The following USP49 variants were observed in gnomAD, a reference collection of about 807,000 sequenced individuals.
USP49 encodes ubiquitin carboxyl-terminal hydrolase 49.
USP49 carries 24 observed loss-of-function variants against 58.6 expected under a neutral mutation model. The observed-to-expected ratio is 0.41, with a 90% CI of 0.30 to 0.58. USP49 has a LOEUF of 0.58. Ranked by LOEUF, USP49 falls within the 20% of genes least tolerant of loss-of-function variation. USP49 has a pLI of 0.30. For synonymous variants in USP49, 408 were observed against 365.1 expected, an observed-to-expected ratio of 1.12 and a Z score of -1.34; for missense variants, 703 against 866.1, an observed-to-expected ratio of 0.81 and a Z score of 2.36.
Position 41,794,078 on chromosome 6 carries a change from T to C in USP49, c.*2455A>G, listed in dbSNP as rs753452030. On this transcript the variant is annotated 3_prime_UTR_variant, in exon 8 of 8. Coordinates refer to ENST00000682992, the MANE Select transcript of USP49 (RefSeq NM_001286554.2). Reference sequence around the variant, plus strand: ...GGGACATTTCCCTCACAATAGCCATTGGCTTATGCAGCAGGGAACTCTTCT... The same window carrying C: ...GGGACATTTCCCTCACAATAGCCATCGGCTTATGCAGCAGGGAACTCTTCT... The C allele has an allele frequency of 2.6e-5, 4 of 152,248 alleles. No homozygotes were observed. The highest frequency in any genetic ancestry group is 5.9e-5 in the Non-Finnish European group (4 of 68,042). The allele number at this position is 152,248 out of a possible 1,614,324, so 9.4% of individuals were successfully genotyped here.
intron 3 of USP49, among the ~76,000 whole-genome samples, chr6:41,870,587 A>T (rs1381605215): frequency 6.6e-6 from 1 of 151,296 alleles, no homozygotes; most frequent in East Asian, 2.0e-4. Context: ...CCCAGGCTGG[A>T]GTGCAGTGGA....
Position 41,798,872 on chromosome 6 carries a change from T to C in USP49, c.1728A>G (p.Val576=), listed in dbSNP as rs1772940851. The C allele has an allele frequency of 6.2e-7, 1 of 1,613,902 alleles. No homozygotes were observed. Among genetic ancestry groups the C allele is most frequent in the Non-Finnish European group, 8.5e-7 (1 of 1,179,946 alleles). The stretch of plus-strand genomic sequence containing the variant: ...TGCAGCAGTAAGGTTCCATGGTTAA[T>C]ACCTGGTCAAAGACGACATGGACCC... ...KIGVHVVFDQ[V]LTMEPYCCRD... Residue 576 remains valine, a synonymous_variant, in exon 7 of 8, where the codon GTA becomes GTG. Transcript: ENST00000682992.
At chr6:41,858,677 T>C (rs1365472157) in intron 3 of USP49, among the ~76,000 whole-genome samples, 1 of 152,120 alleles carries the variant, frequency 6.6e-6, no homozygotes, top group Non-Finnish European at 1.5e-5. Context: ...AGAATGCTCT[T>C]CCCTCAGATA....
chr6:41,806,970 T>G lies in USP49; in HGVS notation c.14A>C (p.Lys5Thr). ...GGCGAGCCGTAACCGCCCTACATGT[T>G]TGCATCTATCCATGTCTTATAGAAG... MDRC[K>T]HVGRLRLAQD... Residue 5 changes from lysine to threonine, a missense_variant, in exon 4 of 8, where the codon AAA (lysine) becomes ACA (threonine). Physicochemically the swap from Lys to Thr is moderately conservative, Grantham distance 78. Around this residue, in one of 6 missense-constraint regions of USP49, gnomAD observed 376 missense variants for 373.5 expected, o/e 1.01. Transcript: ENST00000682992. This position sits in a 1 kb window ranked among gnomAD's most constrained non-coding sequence, Gnocchi z 5.9. 1.9e-6 allele frequency: 3 copies of G among 1,596,124 alleles called. No homozygotes were observed. The highest frequency in any genetic ancestry group is 2.6e-6 in the Non-Finnish European group (3 of 1,167,448).
intron 3 of USP49, chr6:41,869,606 A>G (rs1022965585): frequency 1.3e-5 from 2 of 151,832 alleles, no homozygotes; most frequent in Admixed American, 6.6e-5. Flanking sequence ...GCTAGTCGGG[A>G]GGTTGAGGCA....
At chr6:41,894,453 A>G (rs1774862089) in intron 1 of USP49, 1 of 152,106 alleles carries the variant, frequency 6.6e-6, no homozygotes, top group Non-Finnish European at 1.5e-5. Flanking sequence ...CACTTTACAG[A>G]ATTTACATCC....
chr6:41,868,348 A>G (rs967222821), intron 3 of USP49, among the ~76,000 whole-genome samples: 1 of 152,188 alleles, frequency 6.6e-6, no homozygotes, highest in African/African-American at 2.4e-5. Context: ...TTTATTTTTG[A>G]GACGGAGTCT....
intron 3 of USP49, among the ~76,000 whole-genome samples, chr6:41,866,565 C>T (rs1774322887): frequency 6.6e-6 from 1 of 152,212 alleles, no homozygotes; most frequent in African/African-American, 2.4e-5. Context: ...GTGGGAGAGA[C>T]ATCATGACTT....
intron 3 of USP49, among the ~76,000 whole-genome samples, chr6:41,812,673 C>A (rs1437887692): frequency 6.6e-6 from 1 of 151,912 alleles, no homozygotes; most frequent in African/African-American, 2.4e-5. Flanking sequence ...AGTCTCTGGG[C>A]GACAGAGCGA....
At chr6:41,802,468 A>ATTTATTTT (rs1773033741) in intron 5 of USP49, among the ~76,000 whole-genome samples, 3 of 73,898 alleles carry the variant, frequency 4.1e-5, no homozygotes, top group Non-Finnish European at 7.9e-5. Context: ...TTATTTATTT[A>ATTTATTTT]TTTTTTATTT....
intron 3 of USP49, 32 bp from the exon 4 acceptor site, chr6:41,807,043 G>C: frequency 9.3e-6 from 11 of 1,185,510 alleles, no homozygotes; most frequent in Admixed American, 3.9e-5. Flanking sequence ...AAAAGAAAAA[G>C]AAAAAGAAAA....
chr6:41,865,803 C>CTTT (rs55695314), intron 3 of USP49, among the ~76,000 whole-genome samples: 2 of 119,026 alleles, frequency 1.7e-5, no homozygotes, highest in African/African-American at 3.2e-5. Flanking sequence ...CATGCCTGGC[C>CTTT]TTTTTTTTTT....
intron 3 of USP49, among the ~76,000 whole-genome samples, chr6:41,861,225 C>A (rs937667051): frequency 6.6e-6 from 1 of 152,018 alleles, no homozygotes; most frequent in Non-Finnish European, 1.5e-5. Context: ...AGGCGGATCA[C>A]GAGGTCAGGA....
At chr6:41,855,060 C>T (rs1250857819) in intron 3 of USP49, among the ~76,000 whole-genome samples, 2 of 151,960 alleles carry the variant, frequency 1.3e-5, no homozygotes, top group Non-Finnish European at 2.9e-5. Context: ...GGGTGTGAGC[C>T]ATTGTGCCTG....
intron 2 of USP49, among the ~76,000 whole-genome samples, chr6:41,888,448 T>C (rs1774754939): frequency 6.6e-6 from 1 of 152,002 alleles, no homozygotes; most frequent in Non-Finnish European, 1.5e-5. Context: ...AAGTGCTGTT[T>C]TTTTGTTTGT....
intron 3 of USP49, among the ~76,000 whole-genome samples, chr6:41,861,781 C>G (rs1008414743): frequency 2.6e-5 from 4 of 152,004 alleles, no homozygotes. Context: ...TCACTGCAAC[C>G]TCCACCTTCC....
intron 2 of USP49, among the ~76,000 whole-genome samples, chr6:41,875,649 T>C (rs1442356650): frequency 6.6e-6 from 1 of 152,204 alleles, no homozygotes; most frequent in Non-Finnish European, 1.5e-5. Context: ...CACTCCATTA[T>C]TTTACTATCA....
Position 41,833,809 on chromosome 6 carries a change from AT to A in USP49, c.-28-26799del, listed in dbSNP as rs545273623. 3.3e-5 allele frequency among the ~76,000 whole-genome samples: 5 copies of A among 152,348 alleles called. No homozygotes were observed. In the East Asian group the frequency reaches 9.6e-4, roughly 29 times the overall value. On this transcript the variant is annotated intron_variant, in intron 3 of 7. Coordinates refer to ENST00000682992, the MANE Select transcript of USP49 (RefSeq NM_001286554.2). ...ATGATGAGGTTTGGGGTGATAGTAC[AT>A]TTGGAAAACCCTATTTATTAACCTA...
At chr6:41,863,436 G>C (rs1165130272) in intron 3 of USP49, among the ~76,000 whole-genome samples, 4 of 152,066 alleles carry the variant, frequency 2.6e-5, no homozygotes, top group African/African-American at 9.7e-5. Flanking sequence ...TGTTTTAATT[G>C]CTAGTGGATC....
Sources: allele counts gnomAD v4.1 joint callset (sites outside exome capture counted in the v4.1 genomes callset), GRCh38; gene constraint gnomAD v4.1.1; regional missense constraint gnomAD v4.1.1; non-coding constraint Gnocchi (gnomAD v3.1); transcripts MANE v1.5; gene names NCBI Gene and HGNC (gene_info 2026-07-23, HGNC 2026-07-21).